The following FILIP1 variants were observed in gnomAD, a reference collection of about 807,000 sequenced individuals.
FILIP1 encodes filamin-A-interacting protein 1.
Under a neutral mutation model 102.1 loss-of-function variants are expected in FILIP1, and 61 were observed. That is an observed-to-expected ratio of 0.60 (90% CI 0.49 to 0.74). The LOEUF is 0.74. Ranked by LOEUF, FILIP1 falls within the 30% of genes least tolerant of loss-of-function variation. The pLI, the probability that FILIP1 is intolerant of heterozygous loss-of-function variation, is 0.00. For missense variants in FILIP1, 1,314 were observed against 1,441.2 expected (o/e 0.91, Z 1.43); for synonymous variants, 491 against 526.9 (o/e 0.93, Z 0.93).
chr6:75,324,476 G>A (rs1009791377), intron 4 of FILIP1, among the ~76,000 whole-genome samples: 7 of 152,064 alleles, frequency 4.6e-5, no homozygotes, highest in Non-Finnish European at 1.0e-4. Flanking sequence ...CATGCTCAGG[G>A]ACGGGTAGAA....
At position 75,313,316 on chromosome 6, in the gene FILIP1, C is replaced by T. The variant is rs141090895; in HGVS notation, c.2516G>A (p.Arg839Gln). The stretch of plus-strand genomic sequence containing the variant: ...CACGGGTTTCTTCAATCCCACCTGC[C>T]GAAGATTACTCATAATATGATTTTC... Reference protein sequence around the residue: ...QEENHIMSNLRQVGLKKPVER... With the variant: ...QEENHIMSNLQQVGLKKPVER... Residue 839 changes from arginine (R) to glutamine (Q), a missense_variant, in exon 5 of 6, where the codon CGG becomes CAG. Physicochemically the swap from Arg to Gln is conservative, Grantham distance 43. Coordinates refer to ENST00000237172, the MANE Select transcript of FILIP1 (RefSeq NM_015687.5). The surrounding 1 kb of genome is among the most constrained non-coding windows in gnomAD (Gnocchi z 4.2). 8 of 1,614,014 alleles carry T rather than the reference C, an allele frequency of 5.0e-6. No homozygotes were observed. In the African/African-American group the frequency reaches 5.3e-5, roughly 11 times the overall value.
intron 2 of FILIP1, among the ~76,000 whole-genome samples, chr6:75,414,416 C>T (rs561881781): frequency 5.3e-5 from 8 of 151,964 alleles, no homozygotes; most frequent in Non-Finnish European, 7.4e-5. Flanking sequence ...ACCTACTGAC[C>T]GAAAGGATCT....
intron 2 of FILIP1, among the ~76,000 whole-genome samples, chr6:75,369,217 C>T (rs191118808): frequency 1.5e-3 from 221 of 152,250 alleles, no homozygotes; most frequent in Non-Finnish European, 2.5e-3. Context: ...AGGAGGATCC[C>T]TGAAGACTGC....
In FILIP1 at chr6:75,303,029, G is replaced by A. The variant is rs575403828; in HGVS notation, c.3493+5811C>T. On this transcript the variant is annotated intron_variant, in intron 6 of 6. Coordinates refer to the FILIP1 transcript ENST00000393004. Reference sequence around the variant, plus strand: ...GCCATGGTAGGGGAAATGGAGAGGAGGAGTCAGCTGCTAGAGATGTTAGTG... The same window carrying A: ...GCCATGGTAGGGGAAATGGAGAGGAAGAGTCAGCTGCTAGAGATGTTAGTG... Among the ~76,000 whole-genome samples, 4 of 152,254 alleles carry A rather than the reference G, an allele frequency of 2.6e-5. No individual in the cohort carries two copies. In the South Asian group the frequency reaches 6.2e-4, roughly 24 times the overall value.
chr6:75,353,026 G>A (rs760718983), intron 4 of FILIP1, among the ~76,000 whole-genome samples: 1 of 149,652 alleles, frequency 6.7e-6, no homozygotes, highest in Non-Finnish European at 1.5e-5. Context: ...CTTACACGGG[G>A]TGGGGAATAT....
At position 75,339,091 on chromosome 6, in the gene FILIP1, A is replaced by G. The variant is rs377021525; in HGVS notation, c.629+14448T>C. On this transcript the variant is annotated intron_variant, in intron 4 of 5. Coordinates refer to ENST00000237172, the MANE Select transcript of FILIP1 (RefSeq NM_015687.5). ...TACAAGTGATAGTTTCAGTGTATTG[A>G]TAGGTCAGAAAGCATTTCCAAAATC... Among the ~76,000 whole-genome samples, 31 of 152,344 alleles carry G rather than the reference A, an allele frequency of 2.0e-4. No homozygotes were observed. In the South Asian group the frequency reaches 5.8e-3, roughly 28 times the overall value.
At chr6:75,449,662 C>A (rs1778556357) in intron 1 of FILIP1, among the ~76,000 whole-genome samples, 1 of 151,820 alleles carries the variant, frequency 6.6e-6, no homozygotes, top group Non-Finnish European at 1.5e-5. Context: ...ATTGATGAAA[C>A]CTGAACAAGA....
At chr6:75,478,332 T>C (rs1209693548) in intron 1 of FILIP1, among the ~76,000 whole-genome samples, 1 of 152,216 alleles carries the variant, frequency 6.6e-6, no homozygotes. Context: ...TCACTCACAT[T>C]GCTCTTCCCT....
chr6:75,457,668 C>T lies in FILIP1; in HGVS notation c.-7+35746G>A, dbSNP rs543376138. On this transcript the variant is annotated intron_variant, in intron 1 of 5. Coordinates refer to ENST00000237172, the MANE Select transcript of FILIP1 (RefSeq NM_015687.5). ...TCTCTCGTTTCTGTTTTATCAATGC[C>T]CTAAGCACATATTTAGCCTTCTCAG... is the stretch of plus-strand genomic sequence containing the variant. Among the ~76,000 whole-genome samples the T allele has an allele frequency of 3.4e-5, 5 of 147,266 alleles. No homozygotes were observed. The South Asian group carries it at 1.1e-3, about 32-fold the overall frequency.
At chr6:75,377,579 G>A (rs893903521) in intron 2 of FILIP1, among the ~76,000 whole-genome samples, 7 of 152,060 alleles carry the variant, frequency 4.6e-5, no homozygotes, top group African/African-American at 9.7e-5. Flanking sequence ...TTACAATTGC[G>A]CCTTTCTCCC....
At chr6:75,385,052 G>C (rs1776043121) in intron 2 of FILIP1, 1 of 149,366 alleles carries the variant, frequency 6.7e-6, no homozygotes, top group Non-Finnish European at 1.5e-5. Flanking sequence ...GCCCACCTCG[G>C]CCTCCCAAAG....
intron 3 of FILIP1, among the ~76,000 whole-genome samples, chr6:75,357,780 G>C (rs1775052556): frequency 1.3e-5 from 2 of 152,034 alleles, no homozygotes; most frequent in Non-Finnish European, 2.9e-5. Flanking sequence ...TTTTTGTTTG[G>C]AACTACATCA....
At chr6:75,430,245 T>C (rs1366869098) in intron 1 of FILIP1, among the ~76,000 whole-genome samples, 1 of 152,170 alleles carries the variant, frequency 6.6e-6, no homozygotes, top group Non-Finnish European at 1.5e-5. Flanking sequence ...TCCCCAGACA[T>C]GCAGAACTGT....
At chr6:75,454,429 T>G (rs1376063615) in intron 1 of FILIP1, among the ~76,000 whole-genome samples, 3 of 152,198 alleles carry the variant, frequency 2.0e-5, no homozygotes, top group African/African-American at 7.2e-5. Flanking sequence ...TTGGGCCCAC[T>G]TGGACGATTC....
intron 5 of FILIP1, among the ~76,000 whole-genome samples, chr6:75,310,550 T>TA (rs2149543411): frequency 6.6e-6 from 1 of 152,360 alleles, no homozygotes; most frequent in South Asian, 2.1e-4. Flanking sequence ...TTAGAAATCT[T>TA]AGACAGTTGC....
At chr6:75,330,935 A>G (rs1249930199) in intron 4 of FILIP1, among the ~76,000 whole-genome samples, 3 of 152,182 alleles carry the variant, frequency 2.0e-5, no homozygotes, top group Non-Finnish European at 4.4e-5. Context: ...ACTGATTGTG[A>G]AGTTTAATCC....
chr6:75,304,117 C>T (rs1339649504), downstream of FILIP1, among the ~76,000 whole-genome samples: 2 of 151,968 alleles, frequency 1.3e-5, no homozygotes, highest in Non-Finnish European at 2.9e-5. Flanking sequence ...AAAATTAAAA[C>T]AATTATTCTT....
intron 2 of FILIP1, among the ~76,000 whole-genome samples, chr6:75,413,722 T>C (rs1362695763): frequency 6.7e-6 from 1 of 149,168 alleles, no homozygotes; most frequent in Non-Finnish European, 1.5e-5. Context: ...TCATGCAAGC[T>C]AAGAAACTAA....
chr6:75,360,502 T>G (rs1775141141), intron 3 of FILIP1, among the ~76,000 whole-genome samples: 1 of 152,138 alleles, frequency 6.6e-6, no homozygotes. Flanking sequence ...TCAATTGAGA[T>G]CCCACTGGCT....
Sources: gnomAD v4.1 joint callset for allele counts (sites outside exome capture counted in the v4.1 genomes callset) on GRCh38, gnomAD v4.1.1 for gene constraint, Gnocchi (gnomAD v3.1) non-coding constraint, MANE v1.5 for transcripts, NCBI Gene and HGNC (gene_info 2026-07-23, HGNC 2026-07-21) for gene names.